BARD1: variants seen among roughly 807,000 people sequenced by gnomAD.
The protein encoded by BARD1 is BRCA1 associated RING domain 1.
In BARD1, 73 loss-of-function variants were observed where a neutral mutation model predicts 77.0. The observed-to-expected ratio is 0.95, with a 90% CI of 0.79 to 1.15. The LOEUF (loss-of-function observed/expected upper bound fraction) is 1.15, where lower values mean the gene tolerates loss of function less well. Among genes scored for constraint, BARD1 ranks in the 50% most tolerant of loss-of-function variants. BARD1 has a pLI of 0.00. For synonymous variants in BARD1, 384 were observed against 338.0 expected (o/e 1.14, Z -1.49); for missense variants, 993 against 938.8 (o/e 1.06, Z -0.75).
rs912677356 is a variant in BARD1 at position 214,778,395 on chromosome 2, A to G, written c.1314+2165T>C. On this transcript the variant is annotated intron_variant, in intron 4 of 10. Coordinates refer to ENST00000260947, the MANE Select transcript of BARD1 (RefSeq NM_000465.4). Reference sequence around the variant, plus strand: ...TAACTTTTAAAAAATGTACCATAACATAATCTGACAACTGGTGACAATAAT... The same window carrying G: ...TAACTTTTAAAAAATGTACCATAACGTAATCTGACAACTGGTGACAATAAT... 3.9e-5 allele frequency among the ~76,000 whole-genome samples: 6 copies of G among 152,194 alleles called. No homozygotes were observed. The East Asian group carries it at 5.8e-4, about 15-fold the overall frequency.
At chr2:214,755,205 T>C (rs1162357392) in intron 6 of BARD1, among the ~76,000 whole-genome samples, 1 of 152,186 alleles carries the variant, frequency 6.6e-6, no homozygotes, top group Non-Finnish European at 1.5e-5. Context: ...TATTACTAAA[T>C]AGAGAAGTCA....
At chr2:214,768,884 C>T (rs902494807) in intron 5 of BARD1, among the ~76,000 whole-genome samples, 4 of 152,168 alleles carry the variant, frequency 2.6e-5, no homozygotes, top group Non-Finnish European at 5.9e-5. Context: ...TCAGTTCCTC[C>T]GACCTCTTTT....
chr2:214,745,098 A>G lies in BARD1; in HGVS notation c.1872T>C (p.Ile624=). 1 of 1,614,116 alleles carries G rather than the reference A, an allele frequency of 6.2e-7. No homozygotes were observed. The highest frequency in any genetic ancestry group is 8.5e-7 in the Non-Finnish European group (1 of 1,179,970). Residue 624 remains isoleucine, a synonymous_variant, in exon 9 of 11, where the codon ATT becomes ATC. Transcript: ENST00000260947. ...ATTTTAGAATCCAGCATCCATTGAG[A>G]ATCCCAAGCATACACTTCAAGGTAC... is the stretch of plus-strand genomic sequence containing the variant. ...VQSTLKCMLG[I]LNGCWILKFE...
In BARD1 at chr2:214,727,745, T is replaced by A. The variant is rs757196139; in HGVS notation, c.*931A>T. The A allele has an allele frequency of 5.0e-4, 114 of 226,868 alleles. No homozygotes were observed. The highest frequency in any genetic ancestry group is 8.0e-4 in the Admixed American group (14 of 17,516). 14.1% of individuals were successfully genotyped at this position (226,868 alleles called of 1,614,324 possible). ...TGCCTCCATGCCAACCTAAAAACTT[T>A]AAAAAAAACCTTTTCCTTTTACAAA... is the stretch of plus-strand genomic sequence containing the variant. On this transcript the variant is annotated 3_prime_UTR_variant, in exon 11 of 11. Coordinates refer to ENST00000260947, the MANE Select transcript of BARD1 (RefSeq NM_000465.4).
At chr2:214,801,032 A>C (rs1438453356) in intron 1 of BARD1, among the ~76,000 whole-genome samples, 2 of 152,222 alleles carry the variant, frequency 1.3e-5, no homozygotes, top group Admixed American at 1.3e-4. Flanking sequence ...TGCTTGTAAA[A>C]CTAAAAAAAA....
At chr2:214,807,623 C>T (rs6753417) in intron 1 of BARD1, among the ~76,000 whole-genome samples, 50,404 of 152,026 alleles carry the variant, frequency 0.33, 8,876 homozygotes, top group South Asian at 0.42. Flanking sequence ...ACTAACAAAT[C>T]CCCAATACCC....
intron 6 of BARD1, among the ~76,000 whole-genome samples, chr2:214,754,974 G>T (rs1693625355): frequency 6.6e-6 from 1 of 151,914 alleles, no homozygotes. Context: ...CATAGCAAGA[G>T]AAGATGGGGC....
At chr2:214,792,524 A>G in intron 2 of BARD1, 79 bp from the exon 3 acceptor site, 1 of 1,348,674 alleles carries the variant, frequency 7.4e-7, no homozygotes, top group Non-Finnish European at 1.0e-6. Flanking sequence ...GTTTGAACAG[A>G]AATAAATGGA....
intron 4 of BARD1, among the ~76,000 whole-genome samples, chr2:214,777,432 T>C (rs2106100448): frequency 6.6e-6 from 1 of 152,242 alleles, no homozygotes; most frequent in Non-Finnish European, 1.5e-5. Context: ...TCCTGCTGGG[T>C]TCTCTGCCCT....
In BARD1 at chr2:214,781,310, A is replaced by C. The variant is rs748511245; in HGVS notation, c.564T>G (p.Pro188=). 3.6e-5 allele frequency: 58 copies of C among 1,611,848 alleles called. No individual in the cohort carries two copies. The highest frequency in any genetic ancestry group is 2.0e-4 in the South Asian group (18 of 89,920). The change falls in exon 4 of 11, where the codon CCT becomes CCG. Residue 188 remains proline (P), a synonymous_variant. Transcript: ENST00000260947. ...DSYEFVSPSP[P]ADVSERAKKA... The stretch of plus-strand genomic sequence containing the variant: ...TTTTAGCCCTCTCAGAAACATCTGC[A>C]GGAGGACTTGGGGAAACAAATTCAT...
At chr2:214,750,853 C>T (rs575218704) in intron 7 of BARD1, among the ~76,000 whole-genome samples, 40 of 151,852 alleles carry the variant, frequency 2.6e-4, no homozygotes, top group Non-Finnish European at 3.8e-4. Flanking sequence ...CTGAGGATGG[C>T]AAGGTAAAGA....
intron 1 of BARD1, among the ~76,000 whole-genome samples, chr2:214,808,494 G>GA (rs11463562): frequency 0.73 from 111,089 of 152,140 alleles, 40,611 homozygotes; most frequent in East Asian, 0.8. Flanking sequence ...AATCAAAGGG[G>GA]AAAAAAGTCC....
chr2:214,805,323 G>T (rs749379790), intron 1 of BARD1, among the ~76,000 whole-genome samples: 1 of 152,124 alleles, frequency 6.6e-6, no homozygotes, highest in East Asian at 1.9e-4. Flanking sequence ...ACTCCTTAAA[G>T]GCAGAAGTAG....
chr2:214,760,737 G>T (rs1336313652), intron 6 of BARD1, among the ~76,000 whole-genome samples: 1 of 151,114 alleles, frequency 6.6e-6, no homozygotes, highest in African/African-American at 2.4e-5. Context: ...CAGATAAAAC[G>T]TCAAAATAGG....
chr2:214,750,721 G>A (rs572709791), intron 7 of BARD1, among the ~76,000 whole-genome samples: 23 of 152,194 alleles, frequency 1.5e-4, no homozygotes, highest in Admixed American at 5.9e-4. Flanking sequence ...GGAAGTCCAC[G>A]GAAAGGCTTC....
intron 8 of BARD1, 132 bp downstream of exon 8, chr2:214,745,586 GATGT>G: frequency 9.2e-7 from 1 of 1,081,754 alleles, no homozygotes; most frequent in African/African-American, 1.6e-5. Context: ...AAAAAATTTA[GATGT>G]ATTACAAGAT....
chr2:214,780,463 T>A, intron 4 of BARD1, 97 bp downstream of exon 4: 1 of 1,029,336 alleles, frequency 9.7e-7, no homozygotes, highest in Non-Finnish European at 1.5e-6. Context: ...GAAAGGTTAA[T>A]TATCCTAGTA....
rs1253020879 is a variant in BARD1, at chr2:214,727,573, C to T, written c.*1103G>A. Reference sequence around the variant, plus strand: ...AGCAGAGTAACCTCCCCACATCTGGCCACTCTCAGGTGGTATCCTGCCCAC... The same window carrying T: ...AGCAGAGTAACCTCCCCACATCTGGTCACTCTCAGGTGGTATCCTGCCCAC... On this transcript the variant is annotated 3_prime_UTR_variant, in exon 11 of 11. Transcript: ENST00000260947. The T allele has an allele frequency of 8.6e-6, 2 of 232,226 alleles. No individual in the cohort carries two copies. The highest frequency in any genetic ancestry group is 4.4e-5 in the African/African-American group (2 of 45,242). The allele number at this position is 232,226 out of a possible 1,614,324, so 14.4% of individuals were successfully genotyped here. A position where few individuals can be genotyped will look rare whatever the true frequency, so the allele number is the denominator to read the frequency against.
At chr2:214,736,582 T>C (rs773203957) in intron 9 of BARD1, among the ~76,000 whole-genome samples, 64 of 152,280 alleles carry the variant, frequency 4.2e-4, no homozygotes, top group Non-Finnish European at 7.8e-4. Flanking sequence ...CTCCATTTTA[T>C]GGGTTTATTT....
Sources: allele counts gnomAD v4.1 joint callset (sites outside exome capture counted in the v4.1 genomes callset), GRCh38; gene constraint gnomAD v4.1.1; transcripts MANE v1.5; gene names NCBI Gene and HGNC (gene_info 2026-07-23, HGNC 2026-07-21).